IL1RAPL1: variants seen among roughly 807,000 people sequenced by gnomAD.
The protein encoded by IL1RAPL1 is interleukin-1 receptor accessory protein-like 1.
A neutral mutation model predicts 48.4 loss-of-function variants in IL1RAPL1; 3 were observed. That is an observed-to-expected ratio of 0.06 (90% CI 0.03 to 0.16). The LOEUF (loss-of-function observed/expected upper bound fraction) is 0.16. IL1RAPL1 is among the 10% of genes least tolerant of loss of function. IL1RAPL1 has a pLI of 1.00. For missense variants in IL1RAPL1, 349 were observed against 530.6 expected (o/e 0.66, Z 3.36); for synonymous variants, 185 against 187.7 (o/e 0.99, Z 0.12).
At chrX:29,239,636 GCGGGCT>G (rs2080722921) in intron 2 of IL1RAPL1, among the ~76,000 whole-genome samples, 2 of 111,944 alleles carry the variant, frequency 1.8e-5, no homozygotes, top group Admixed American at 1.9e-4. Context: ...CACGTGGCCT[GCGGGCT>G]GCATGCAGCC....
intron 6 of IL1RAPL1, among the ~76,000 whole-genome samples, chrX:29,723,703 T>C (rs1267808009): frequency 8.9e-6 from 1 of 112,743 alleles, no homozygotes; most frequent in Non-Finnish European, 1.9e-5. Flanking sequence ...GTTTTCTAGA[T>C]ACTTTATCTT....
intron 2 of IL1RAPL1, chrX:28,982,979 C>A (rs1569213219): frequency 9.0e-6 from 1 of 111,622 alleles, no homozygotes; most frequent in African/African-American, 3.3e-5. Context: ...ACTCATGAAT[C>A]ATTCTTAACT....
chrX:29,002,251 A>T (rs1437967934), intron 2 of IL1RAPL1, among the ~76,000 whole-genome samples: 1 of 111,149 alleles, frequency 9.0e-6, no homozygotes, highest in East Asian at 2.8e-4. Context: ...ATGCTATAAC[A>T]TGGATGAAGC....
intron 2 of IL1RAPL1, among the ~76,000 whole-genome samples, chrX:28,980,089 A>G (rs747960484): frequency 5.3e-4 from 59 of 112,315 alleles, no homozygotes; most frequent in Non-Finnish European, 7.7e-4. Context: ...TATTACCTCT[A>G]TCTACATCAA....
At chrX:28,870,526 A>T (rs1210865816) in intron 2 of IL1RAPL1, among the ~76,000 whole-genome samples, 1 of 111,849 alleles carries the variant, frequency 8.9e-6, no homozygotes, top group African/African-American at 3.2e-5. Flanking sequence ...GAGTTTTGTG[A>T]TTCTTAGACA....
At chrX:29,889,155 T>G (rs1932225082) in intron 6 of IL1RAPL1, among the ~76,000 whole-genome samples, 1 of 112,038 alleles carries the variant, frequency 8.9e-6, no homozygotes, top group African/African-American at 3.2e-5. Context: ...TTTTTTTGTG[T>G]GCCAGACACT....
chrX:29,802,779 ATATGTGTGTG>A (rs1252998035), intron 6 of IL1RAPL1, among the ~76,000 whole-genome samples: 59 of 22,351 alleles, frequency 2.6e-3, no homozygotes, highest in South Asian at 0.015. Context: ...ATATATATAT[ATATGTGTGTG>A]TGTATATATA....
intron 8 of IL1RAPL1, among the ~76,000 whole-genome samples, chrX:29,936,518 A>AACACACACAC (rs55890071): frequency 2.0e-4 from 19 of 93,477 alleles, no homozygotes; most frequent in African/African-American, 5.1e-4. Flanking sequence ...TATATATAGG[A>AACACACACAC]ACACACACAC....
chrX:28,722,036 C>T (rs773193631), intron 1 of IL1RAPL1, among the ~76,000 whole-genome samples: 1 of 111,596 alleles, frequency 9.0e-6, no homozygotes, highest in African/African-American at 3.3e-5. Context: ...CATGATGCCT[C>T]CAGCTTTGTT....
At chrX:29,043,536 A>C (rs199644931) in intron 2 of IL1RAPL1, among the ~76,000 whole-genome samples, 13 of 111,237 alleles carry the variant, frequency 1.2e-4, no homozygotes, top group Non-Finnish European at 1.9e-4. Context: ...GAATCCATGC[A>C]TGGAGGTGTC....
intron 2 of IL1RAPL1, among the ~76,000 whole-genome samples, chrX:29,113,714 G>GT (rs1346150159): frequency 9.0e-6 from 1 of 111,208 alleles, no homozygotes; most frequent in African/African-American, 3.3e-5. Flanking sequence ...ATTGATTTTT[G>GT]TATGTAAATT....
At chrX:29,312,442 G>A (rs926605138) in intron 3 of IL1RAPL1, among the ~76,000 whole-genome samples, 2 of 111,157 alleles carry the variant, frequency 1.8e-5, no homozygotes, top group African/African-American at 3.3e-5. Flanking sequence ...CAAAAAGGGT[G>A]CCTTTGCATT....
chrX:29,774,601 TTTC>T (rs1929147129), intron 6 of IL1RAPL1, among the ~76,000 whole-genome samples: 1 of 112,121 alleles, frequency 8.9e-6, no homozygotes, highest in Non-Finnish European at 1.9e-5. Flanking sequence ...ATACGTAAAA[TTTC>T]TTCAATATAC....
intron 2 of IL1RAPL1, among the ~76,000 whole-genome samples, chrX:28,815,850 TA>T (rs1936860128): frequency 1.7e-5 from 1 of 58,296 alleles, no homozygotes; most frequent in African/African-American, 6.2e-5. Context: ...TATATATATA[TA>T]TATATATATA....
chrX:29,457,720 A>G (rs1240024551), intron 5 of IL1RAPL1, among the ~76,000 whole-genome samples: 1 of 112,022 alleles, frequency 8.9e-6, no homozygotes, highest in Admixed American at 9.5e-5. Flanking sequence ...TTGGATATAT[A>G]TTTAGTAATG....
intron 1 of IL1RAPL1, among the ~76,000 whole-genome samples, chrX:28,616,055 C>G (rs1192574213): frequency 8.9e-6 from 1 of 112,576 alleles, no homozygotes; most frequent in East Asian, 2.8e-4. Context: ...TCCAATTCCT[C>G]GTTTTTATTA....
At chrX:29,805,491 C>T (rs755537187) in intron 6 of IL1RAPL1, among the ~76,000 whole-genome samples, 1 of 111,157 alleles carries the variant, frequency 9.0e-6, no homozygotes, top group East Asian at 2.8e-4. Context: ...AAGCACTCCA[C>T]TTGCTTTGGG....
chrX:29,546,808 C>A (rs1035361345), intron 5 of IL1RAPL1, among the ~76,000 whole-genome samples: 1 of 112,102 alleles, frequency 8.9e-6, no homozygotes, highest in Non-Finnish European at 1.9e-5. Context: ...TCCCATATTC[C>A]TGCCAGTTCT....
In IL1RAPL1 at chrX:29,024,828, A is replaced by G. The variant is rs138031753; in HGVS notation, c.82+235403A>G. ...GATATAATTCATATAGCTACAATTC[A>G]CTTATTTAAAATGTATAATTCAAAG... On this transcript the variant is annotated intron_variant, in intron 2 of 10. Transcript: ENST00000378993. Among the ~76,000 whole-genome samples the G allele has an allele frequency of 5.4e-3, 601 of 111,722 alleles. 4 individuals are homozygous for G. Among genetic ancestry groups the G allele is most frequent in the African/African-American group, 0.019 (581 of 30,811 alleles).
Sources: allele counts gnomAD v4.1 joint callset (sites outside exome capture counted in the v4.1 genomes callset), GRCh38; gene constraint gnomAD v4.1.1; transcripts MANE v1.5; gene names NCBI Gene and HGNC (gene_info 2026-07-23, HGNC 2026-07-21).